LY96: variants seen among roughly 807,000 people sequenced by gnomAD.
The protein encoded by LY96 is myeloid differentiation protein-2.
LY96 carries 18 observed loss-of-function variants against 18.9 expected under a neutral mutation model. That is an observed-to-expected ratio of 0.95 (90% CI 0.66 to 1.41). The LOEUF is 1.41. LY96 is among the 40% of genes most tolerant of loss of function. LY96 has a pLI of 0.00. For synonymous variants in LY96, 66 were observed against 62.6 expected, an observed-to-expected ratio of 1.06 and a Z score of -0.26; for missense variants, 175 against 182.4, an observed-to-expected ratio of 0.96 and a Z score of 0.23.
At chr8:74,095,462 A>C in the LY96 span, among the ~76,000 whole-genome samples, 1 of 152,194 alleles carries the variant, frequency 6.6e-6, no homozygotes, top group South Asian at 2.1e-4. Context: ...TTATTGTTGA[A>C]GTTTTCTATC....
the LY96 span, among the ~76,000 whole-genome samples, chr8:74,088,217 A>G: frequency 1.3e-5 from 2 of 152,122 alleles, no homozygotes; most frequent in African/African-American, 2.4e-5. Context: ...AGGACTCATG[A>G]ATGTTTTGTG....
chr8:74,042,410 A>ACAGG, the LY96 span, among the ~76,000 whole-genome samples: 102 of 152,048 alleles, frequency 6.7e-4, no homozygotes, highest in African/African-American at 2.2e-3. Context: ...AGTCTCAGCT[A>ACAGG]CTTGGGAGGC....
chr8:74,006,154 A>G (rs1216321499), intron 2 of LY96, among the ~76,000 whole-genome samples: 1 of 152,204 alleles, frequency 6.6e-6, no homozygotes, highest in South Asian at 2.1e-4. Flanking sequence ...TGTAAGTATC[A>G]TGCTAGGCAC....
chr8:74,029,989 TTC>T (rs1250478263), downstream of LY96, among the ~76,000 whole-genome samples: 2 of 152,174 alleles, frequency 1.3e-5, no homozygotes, highest in East Asian at 3.9e-4. Flanking sequence ...TCTTGGGTAT[TTC>T]TTCATAGTAG....
At chr8:74,068,079 A>ATATATATATAT in the LY96 span, among the ~76,000 whole-genome samples, 4 of 97,230 alleles carry the variant, frequency 4.1e-5, no homozygotes, top group African/African-American at 1.9e-4. Context: ...AAAAAAAAAA[A>ATATATATATAT]AAAAAAAAAA....
At chr8:74,046,214 G>A in the LY96 span, among the ~76,000 whole-genome samples, 1 of 152,172 alleles carries the variant, frequency 6.6e-6, no homozygotes, top group Non-Finnish European at 1.5e-5. Flanking sequence ...GGGAGGCAGA[G>A]GTTGCAGTGA....
At chr8:74,062,154 A>T in the LY96 span, among the ~76,000 whole-genome samples, 1 of 152,008 alleles carries the variant, frequency 6.6e-6, no homozygotes, top group Non-Finnish European at 1.5e-5. Context: ...ATTCAGATTT[A>T]CTCTTTTGTA....
chr8:74,004,786 T>C lies in LY96; in HGVS notation c.113-10T>C, dbSNP rs1255594004. The C allele has an allele frequency of 3.2e-6, 5 of 1,552,236 alleles. No individual in the cohort carries two copies. The highest frequency in any genetic ancestry group is 2.7e-6 in the Non-Finnish European group (3 of 1,127,164). On this transcript the variant is annotated splice_polypyrimidine_tract_variant and intron_variant, in intron 1 of 4. Coordinates refer to ENST00000284818, the MANE Select transcript of LY96 (RefSeq NM_015364.5). ...TAGTAATTTATTGACATTATCTTTA[T>C]TGCTTTTAGATAAAATGCAATACCC... is the stretch of plus-strand genomic sequence containing the variant.
At chr8:74,012,359 A>G (rs1249389958) in intron 3 of LY96, among the ~76,000 whole-genome samples, 1 of 152,240 alleles carries the variant, frequency 6.6e-6, no homozygotes, top group Non-Finnish European at 1.5e-5. Context: ...AAGCCATTAA[A>G]AAAATGAAAT....
chr8:74,005,762 A>G (rs1353108500), intron 2 of LY96, among the ~76,000 whole-genome samples: 1 of 152,214 alleles, frequency 6.6e-6, no homozygotes, highest in Non-Finnish European at 1.5e-5. Flanking sequence ...CTCTGTGCAG[A>G]CACAAAACTT....
At chr8:74,088,258 A>G in the LY96 span, among the ~76,000 whole-genome samples, 1 of 152,274 alleles carries the variant, frequency 6.6e-6, no homozygotes, top group South Asian at 2.1e-4. Context: ...AAACCCCATG[A>G]CACTTTGCCA....
the LY96 span, among the ~76,000 whole-genome samples, chr8:74,066,286 G>A: frequency 4.6e-5 from 7 of 152,002 alleles, no homozygotes; most frequent in Admixed American, 3.3e-4. Context: ...CCATTCATAA[G>A]GATGGAGTCC....
chr8:74,041,983 G>A, the LY96 span, among the ~76,000 whole-genome samples: 23 of 152,232 alleles, frequency 1.5e-4, no homozygotes, highest in African/African-American at 5.5e-4. Flanking sequence ...CAGCTCAGGT[G>A]GGCATCATGG....
At chr8:74,087,147 C>T in the LY96 span, among the ~76,000 whole-genome samples, 1 of 152,152 alleles carries the variant, frequency 6.6e-6, no homozygotes, top group African/African-American at 2.4e-5. Flanking sequence ...GGATCTGAAG[C>T]TTAGGGGTTT....
chr8:74,064,548 C>T, the LY96 span, among the ~76,000 whole-genome samples: 1 of 152,092 alleles, frequency 6.6e-6, no homozygotes, highest in Non-Finnish European at 1.5e-5. Context: ...CGCATGGCAC[C>T]CCCTCCCTAC....
the LY96 span, among the ~76,000 whole-genome samples, chr8:74,079,275 G>C: frequency 6.6e-6 from 1 of 152,222 alleles, no homozygotes; most frequent in Non-Finnish European, 1.5e-5. Flanking sequence ...TGGGCCTTCA[G>C]CTTGCAGATG....
chr8:74,038,985 A>G, the LY96 span, among the ~76,000 whole-genome samples: 131 of 152,360 alleles, frequency 8.6e-4, no homozygotes, highest in African/African-American at 3.1e-3. Flanking sequence ...ACTAATTTAC[A>G]TTCACACCAA....
At chr8:74,093,319 A>G in the LY96 span, among the ~76,000 whole-genome samples, 1 of 152,318 alleles carries the variant, frequency 6.6e-6, no homozygotes, top group East Asian at 1.9e-4. Context: ...GATCTCCTTT[A>G]GGAGGGGACC....
At chr8:74,032,977 G>A (rs571370399), downstream of LY96, among the ~76,000 whole-genome samples, 2 of 152,124 alleles carry the variant, frequency 1.3e-5, no homozygotes, top group Non-Finnish European at 2.9e-5. Flanking sequence ...AGCCATGTGG[G>A]ACTGGCTTTA....
Sources: allele counts gnomAD v4.1 joint callset (sites outside exome capture counted in the v4.1 genomes callset), GRCh38; gene constraint gnomAD v4.1.1; transcripts MANE v1.5; gene names NCBI Gene and HGNC (gene_info 2026-07-23, HGNC 2026-07-21).